CAST: variants seen among roughly 807,000 people sequenced by gnomAD.
CAST encodes calpastatin.
In CAST, 76 loss-of-function variants were observed where a neutral mutation model predicts 119.6. The ratio of observed to expected loss-of-function variants is 0.64; its 90% CI spans 0.53 to 0.77. CAST has a LOEUF of 0.77. Ranked by LOEUF, CAST falls within the 30% of genes least tolerant of loss-of-function variation. The probability of loss-of-function intolerance (pLI) is 0.00; values close to 1 mark genes in which losing one functional copy is unlikely to be tolerated. For synonymous variants in CAST, 319 were observed against 331.6 expected (o/e 0.96, Z 0.41); for missense variants, 953 against 946.5 (o/e 1.01, Z -0.09).
At chr5:96,410,697 G>T in the CAST span, 4 of 1,158,682 alleles carry the variant, frequency 3.5e-6, no homozygotes, top group Admixed American at 1.7e-5. Flanking sequence ...CGTACCAAAG[G>T]TCAGTTAGGG....
chr5:96,117,026 T>G, the CAST span, among the ~76,000 whole-genome samples: 1 of 152,224 alleles, frequency 6.6e-6, no homozygotes. Flanking sequence ...CTTGCTCATG[T>G]CTTGGTCACC....
At chr5:96,697,077 A>C (rs1303815059) in intron 3 of CAST, among the ~76,000 whole-genome samples, 1 of 151,884 alleles carries the variant, frequency 6.6e-6, no homozygotes, top group African/African-American at 2.4e-5. Flanking sequence ...CTGAGGCAGG[A>C]GAATGGCTTG....
the CAST span, among the ~76,000 whole-genome samples, chr5:96,349,443 T>C: frequency 6.6e-6 from 1 of 152,152 alleles, no homozygotes; most frequent in African/African-American, 2.4e-5. Context: ...ATGCAACACA[T>C]GTAACTGTTC....
chr5:96,662,510 C>A lies in CAST; in HGVS notation c.75+13C>A. 7.3e-7 allele frequency: 1 copy of A among 1,375,030 alleles called. No homozygotes were observed. Among genetic ancestry groups the A allele is most frequent in the Non-Finnish European group, 9.3e-7 (1 of 1,071,444 alleles). The allele number at this position is 1,375,030 out of a possible 1,614,324, so 85.2% of individuals were successfully genotyped here. On this transcript the variant is annotated intron_variant, in intron 1 of 31. Transcript: ENST00000675179. ...CCGCACCCATGAGGTGAGTGGCGCT[C>A]CTGTCGGCGTCGCGGGGCTGGGCGA...
chr5:96,431,821 A>G, the CAST span, among the ~76,000 whole-genome samples: 4 of 152,040 alleles, frequency 2.6e-5, no homozygotes, highest in African/African-American at 9.7e-5. Context: ...AACGCGCCAA[A>G]ATGTTTTACA....
the CAST span, among the ~76,000 whole-genome samples, chr5:96,182,641 T>G: frequency 6.6e-6 from 1 of 152,232 alleles, no homozygotes; most frequent in Non-Finnish European, 1.5e-5. Context: ...TGATGCAGAA[T>G]TCCATTACAA....
At chr5:96,160,558 T>G in the CAST span, among the ~76,000 whole-genome samples, 5 of 152,242 alleles carry the variant, frequency 3.3e-5, no homozygotes, top group Non-Finnish European at 7.3e-5. Context: ...TTATGAATAC[T>G]GCTGCTGTAA....
chr5:96,636,442 T>A (rs537314115), intron 1 of CAST, among the ~76,000 whole-genome samples: 48 of 152,284 alleles, frequency 3.2e-4, no homozygotes, highest in African/African-American at 1.1e-3. Flanking sequence ...CCCATCTATG[T>A]CCAAAGCCTT....
intron 1 of CAST, among the ~76,000 whole-genome samples, chr5:96,646,704 C>G (rs1186469309): frequency 6.6e-6 from 1 of 152,152 alleles, no homozygotes; most frequent in Admixed American, 6.5e-5. Flanking sequence ...TGCCTCTCAT[C>G]ATCGATTGAT....
At chr5:96,463,265 C>T in the CAST span, among the ~76,000 whole-genome samples, 3 of 152,032 alleles carry the variant, frequency 2.0e-5, no homozygotes, top group African/African-American at 7.2e-5. Flanking sequence ...TTGTGTAATA[C>T]ATTGATGGTA....
chr5:96,385,098 T>A, the CAST span, among the ~76,000 whole-genome samples: 1 of 152,212 alleles, frequency 6.6e-6, no homozygotes, highest in Non-Finnish European at 1.5e-5. Context: ...CTAGAGTCAA[T>A]GTGCTGGTTA....
At chr5:96,658,394 G>A (rs1248576819), upstream of CAST, among the ~76,000 whole-genome samples, 1 of 152,174 alleles carries the variant, frequency 6.6e-6, no homozygotes, top group African/African-American at 2.4e-5. Context: ...GAGTACATCA[G>A]CGTGAATTCT....
At chr5:95,976,484 A>G in the CAST span, among the ~76,000 whole-genome samples, 4 of 152,150 alleles carry the variant, frequency 2.6e-5, no homozygotes, top group African/African-American at 4.8e-5. Flanking sequence ...TGGTTCATGT[A>G]TATAGCTGGC....
At chr5:96,733,372 A>G (rs1760973289) in intron 9 of CAST, among the ~76,000 whole-genome samples, 1 of 152,260 alleles carries the variant, frequency 6.6e-6, no homozygotes, top group Non-Finnish European at 1.5e-5. Context: ...GGAAATGGAT[A>G]GATTTAAGGC....
intron 24 of CAST, among the ~76,000 whole-genome samples, chr5:96,759,738 G>C (rs1767290366): frequency 6.6e-6 from 1 of 151,900 alleles, no homozygotes; most frequent in South Asian, 2.1e-4. Context: ...AATTTTAACA[G>C]AGTAATATAA....
At chr5:96,273,338 A>C in the CAST span, among the ~76,000 whole-genome samples, 33 of 152,336 alleles carry the variant, frequency 2.2e-4, no homozygotes, top group Admixed American at 5.2e-4. Flanking sequence ...AAGAGATTGG[A>C]GCATTTGAGA....
At chr5:96,328,147 A>G in the CAST span, among the ~76,000 whole-genome samples, 1 of 152,168 alleles carries the variant, frequency 6.6e-6, no homozygotes, top group Non-Finnish European at 1.5e-5. Flanking sequence ...TTGACGATTA[A>G]AGATCCCAGG....
the CAST span, among the ~76,000 whole-genome samples, chr5:96,503,719 G>C: frequency 6.6e-6 from 1 of 152,160 alleles, no homozygotes; most frequent in Non-Finnish European, 1.5e-5. Flanking sequence ...TCACTTGAGG[G>C]AATAGAAGCC....
the CAST span, among the ~76,000 whole-genome samples, chr5:96,198,984 A>C: frequency 7.4e-4 from 113 of 152,306 alleles, 1 homozygote; most frequent in African/African-American, 2.6e-3. Flanking sequence ...CTTATGACTT[A>C]AACACAGAAG....
Sources: allele counts gnomAD v4.1 joint callset (sites outside exome capture counted in the v4.1 genomes callset), GRCh38; gene constraint gnomAD v4.1.1; transcripts MANE v1.5; gene names NCBI Gene and HGNC (gene_info 2026-07-23, HGNC 2026-07-21).